The following FBXL5 variants were observed in gnomAD, a reference collection of about 807,000 sequenced individuals.
FBXL5 encodes the protein F-box and leucine rich repeat protein 5, also known as F-box/LRR-repeat protein 5.
Under a neutral mutation model 78.3 loss-of-function variants are expected in FBXL5, and 26 were observed. That is an observed-to-expected ratio of 0.33 (90% CI 0.24 to 0.46). FBXL5 has a LOEUF of 0.46. Ranked by LOEUF, FBXL5 falls within the 20% of genes least tolerant of loss-of-function variation. The pLI, the probability that FBXL5 is intolerant of heterozygous loss-of-function variation, is 1.00. For synonymous variants in FBXL5, 295 were observed against 282.5 expected (o/e 1.04, Z -0.45); for missense variants, 710 against 829.2 (o/e 0.86, Z 1.77).
chr4:15,617,545 C>CAAA (rs34036474), intron 9 of FBXL5, among the ~76,000 whole-genome samples: 83 of 114,256 alleles, frequency 7.3e-4, no homozygotes, highest in African/African-American at 2.6e-3. Context: ...CTCCATGTCT[C>CAAA]AAAAAAAAAA....
At chr4:15,672,866 T>C (rs1717823884) in intron 1 of FBXL5, among the ~76,000 whole-genome samples, 1 of 152,240 alleles carries the variant, frequency 6.6e-6, no homozygotes, top group Admixed American at 6.5e-5. Flanking sequence ...GTTGTACAGC[T>C]GTACAAAAAT....
At chr4:15,616,178 C>A (rs1032832071) in intron 9 of FBXL5, among the ~76,000 whole-genome samples, 4 of 152,062 alleles carry the variant, frequency 2.6e-5, no homozygotes, top group African/African-American at 9.7e-5. Flanking sequence ...TCAGGAGGGA[C>A]AGACTCCAGA....
chr4:15,615,316 T>C (rs896906085), intron 9 of FBXL5, among the ~76,000 whole-genome samples: 3 of 152,064 alleles, frequency 2.0e-5, no homozygotes, highest in Admixed American at 6.5e-5. Context: ...GGCGCGGGAC[T>C]GGCAGGCAGC....
intron 1 of FBXL5, among the ~76,000 whole-genome samples, chr4:15,653,448 A>G (rs1577488077): frequency 6.6e-6 from 1 of 152,214 alleles, no homozygotes; most frequent in East Asian, 1.9e-4. Context: ...AGTAAATTAA[A>G]TTGTGATTCT....
chr4:15,665,726 A>G (rs529155184), intron 1 of FBXL5, among the ~76,000 whole-genome samples: 1 of 152,218 alleles, frequency 6.6e-6, no homozygotes, highest in South Asian at 2.1e-4. Context: ...GAAAAGAAAC[A>G]CAAACTTAGG....
At chr4:15,650,866 C>T (rs1447661666) in intron 1 of FBXL5, among the ~76,000 whole-genome samples, 2 of 151,866 alleles carry the variant, frequency 1.3e-5, no homozygotes, top group Non-Finnish European at 2.9e-5. Flanking sequence ...CTCCTGACCT[C>T]ATGATCCACC....
At chr4:15,679,245 TAG>T (rs1245572873) in intron 1 of FBXL5, among the ~76,000 whole-genome samples, 1 of 152,024 alleles carries the variant, frequency 6.6e-6, no homozygotes, top group African/African-American at 2.4e-5. Flanking sequence ...GTATTTTTAG[TAG>T]AGACAGGGTT....
At chr4:15,653,238 A>G (rs1716353791) in intron 1 of FBXL5, among the ~76,000 whole-genome samples, 1 of 152,206 alleles carries the variant, frequency 6.6e-6, no homozygotes, top group African/African-American at 2.4e-5. Context: ...GACTTACACC[A>G]TGTCAAATTG....
rs572452946 is a variant in FBXL5, at chr4:15,679,572, A to C, written c.-284+1811T>G. On this transcript the variant is annotated intron_variant, in intron 1 of 4. Coordinates refer to the FBXL5 transcript ENST00000507899. ...GGTACAGTTCAGGAACAAAAAAAAA[A>C]AAAAACAAAAAAACAAAAAACCAAC... 2.5e-3 allele frequency among the ~76,000 whole-genome samples: 378 copies of C among 151,598 alleles called. 2 individuals are homozygous for C. The highest frequency in any genetic ancestry group is 8.8e-3 in the African/African-American group (363 of 41,434).
At chr4:15,626,397 A>G (rs75099653) in intron 8 of FBXL5, among the ~76,000 whole-genome samples, 43,846 of 152,052 alleles carry the variant, frequency 0.29, 6,642 homozygotes, top group East Asian at 0.47. Context: ...TGCAGCAGGA[A>G]AAAAGGTGCT....
At chr4:15,671,604 G>C (rs964725378) in intron 1 of FBXL5, among the ~76,000 whole-genome samples, 1 of 152,004 alleles carries the variant, frequency 6.6e-6, no homozygotes, top group African/African-American at 2.4e-5. Context: ...CTTGTGCTTG[G>C]AGTTCATATC....
At chr4:15,627,130 T>TA (rs1713146518) in intron 7 of FBXL5, among the ~76,000 whole-genome samples, 175 bp from the exon 8 acceptor site, 1 of 98,336 alleles carries the variant, frequency 1.0e-5, no homozygotes. Flanking sequence ...CCTGAGAATC[T>TA]CTTTTTTTTT....
At chr4:15,660,441 C>T (rs1717250280), upstream of FBXL5, among the ~76,000 whole-genome samples, 1 of 152,114 alleles carries the variant, frequency 6.6e-6, no homozygotes, top group Non-Finnish European at 1.5e-5. Flanking sequence ...ACACAAGACA[C>T]CTCCTAAAAA....
chr4:15,660,807 G>A (rs113017270), upstream of FBXL5, among the ~76,000 whole-genome samples: 612 of 152,294 alleles, frequency 4.0e-3, 2 homozygotes, highest in Middle Eastern at 0.01. Context: ...GGCCCAGCAC[G>A]GTGGCTCACG....
intron 8 of FBXL5, among the ~76,000 whole-genome samples, chr4:15,626,511 T>C (rs1713079033): frequency 6.6e-6 from 1 of 152,260 alleles, no homozygotes; most frequent in African/African-American, 2.4e-5. Flanking sequence ...AAAGTTACAC[T>C]ATACTATTTC....
chr4:15,669,932 C>T (rs1017978226), intron 1 of FBXL5, among the ~76,000 whole-genome samples: 15 of 152,108 alleles, frequency 9.9e-5, no homozygotes, highest in African/African-American at 3.6e-4. Context: ...GGTAATCACC[C>T]TAGGTACTAT....
At chr4:15,622,006 T>C (rs184601068) in intron 9 of FBXL5, among the ~76,000 whole-genome samples, 59 of 152,326 alleles carry the variant, frequency 3.9e-4, no homozygotes, top group African/African-American at 1.3e-3. Flanking sequence ...TTTTTGTTTT[T>C]CTTTTCGGTA....
chr4:15,651,043 A>G (rs1409487605), intron 1 of FBXL5, among the ~76,000 whole-genome samples: 2 of 152,214 alleles, frequency 1.3e-5, no homozygotes, highest in African/African-American at 4.8e-5. Flanking sequence ...AGTACATTCA[A>G]AAATAGATAA....
In FBXL5 at chr4:15,626,900, G is replaced by A; in HGVS notation, c.1097C>T (p.Thr366Ile). ...GTCAAATGCAGAATCTGAAATGTCA[G>A]TCTGGGTAAGATCCAGATGCTCCAG... The part of the protein sequence containing the change: ...PNLEHLDLTQ[T>I]DISDSAFDSW... Residue 366 changes from threonine to isoleucine, a missense_variant, in exon 8 of 11, where the codon ACT (threonine) becomes ATT (isoleucine). By Grantham distance (89) the Thr-to-Ile change is moderately conservative. This residue lies in a region of FBXL5 where 517 missense variants were observed against 542.9 expected (regional missense o/e 0.95). Coordinates refer to ENST00000341285, the MANE Select transcript of FBXL5 (RefSeq NM_012161.4). 6.2e-7 allele frequency: 1 copy of A among 1,611,490 alleles called. No homozygotes were observed. Among genetic ancestry groups the A allele is most frequent in the South Asian group, 1.1e-5 (1 of 90,392 alleles).
Sources: gnomAD v4.1 joint callset for allele counts (sites outside exome capture counted in the v4.1 genomes callset) on GRCh38, gnomAD v4.1.1 for gene constraint, gnomAD v4.1.1 regional missense constraint, MANE v1.5 for transcripts, NCBI Gene and HGNC (gene_info 2026-07-23, HGNC 2026-07-21) for gene names.